HDAC8: variants seen among roughly 807,000 people sequenced by gnomAD.
HDAC8 encodes the protein histone deacetylase-like 1.
HDAC8 carries 1 observed loss-of-function variant against 32.2 expected under a neutral mutation model. The ratio of observed to expected loss-of-function variants is 0.03; its 90% confidence interval spans 0.01 to 0.15. The LOEUF is 0.15. HDAC8 is among the 10% of genes least tolerant of loss of function. The probability of loss-of-function intolerance (pLI) is 1.00; values close to 1 mark genes in which losing one functional copy is unlikely to be tolerated. For synonymous variants in HDAC8, 108 were observed against 113.9 expected (o/e 0.95, Z 0.33); for missense variants, 117 against 300.0 (o/e 0.39, Z 4.51).
At chrX:72,418,932 A>T (rs1244108474) in intron 9 of HDAC8, among the ~76,000 whole-genome samples, 1 of 111,632 alleles carries the variant, frequency 9.0e-6, no homozygotes, top group Non-Finnish European at 1.9e-5. Context: ...CTTGTCAAAA[A>T]ACAATTGGTT....
chrX:72,568,766 C>T lies in HDAC8; in HGVS notation c.283G>A (p.Glu95Lys). The part of the protein sequence containing the change: ...EGDDDHPDSI[E>K]YGLGYDCPAT... ...GTAATGACTTTACCTAGCCCATATT[C>T]TATGGAGTCCGGATGATCATCATCG... The change falls in exon 3 of 11, where the codon GAA (glutamate) becomes AAA (lysine). Residue 95 changes from glutamate (E) to lysine (K), a missense_variant. Physicochemically the swap from Glu to Lys is moderately conservative, Grantham distance 56. Transcript: ENST00000373573. 1 of 1,211,863 alleles carries T rather than the reference C, an allele frequency of 8.3e-7. No individual in the cohort carries two copies. Among genetic ancestry groups the T allele is most frequent in the Non-Finnish European group, 1.1e-6 (1 of 895,333 alleles).
At position 72,543,603 on chromosome X, in the gene HDAC8, T is replaced by C. The variant is rs139211400; in HGVS notation, c.437+24286A>G. Among the ~76,000 whole-genome samples, 36 of 111,864 alleles carry C rather than the reference T, an allele frequency of 3.2e-4. No homozygotes were observed. In the East Asian group the frequency reaches 0.01, roughly 32 times the overall value. The stretch of plus-strand genomic sequence containing the variant: ...TACCTTGGTCTTTCTACTTCAACTG[T>C]AGAAATCATAAAGGCATACTACAGG... On this transcript the variant is annotated intron_variant, in intron 4 of 10. Coordinates refer to ENST00000373573, the MANE Select transcript of HDAC8 (RefSeq NM_018486.3).
chrX:72,396,441 G>A (rs2045764222), intron 9 of HDAC8, among the ~76,000 whole-genome samples: 1 of 112,321 alleles, frequency 8.9e-6, no homozygotes, highest in South Asian at 3.7e-4. Flanking sequence ...GTGAAGGGTT[G>A]TATCCTCTTA....
intron 9 of HDAC8, among the ~76,000 whole-genome samples, chrX:72,369,719 G>A (rs1284804657): frequency 8.9e-6 from 1 of 112,621 alleles, no homozygotes; most frequent in East Asian, 2.8e-4. Flanking sequence ...AAGCTCTAAA[G>A]GCTGTGCCTA....
intron 9 of HDAC8, among the ~76,000 whole-genome samples, chrX:72,360,093 A>G (rs916238996): frequency 2.9e-4 from 31 of 107,666 alleles, no homozygotes; most frequent in African/African-American, 1.1e-3. Flanking sequence ...GTGGTGGCTC[A>G]CGCCTGTAAT....
intron 7 of HDAC8, among the ~76,000 whole-genome samples, chrX:72,469,712 T>C (rs1241593897): frequency 3.6e-5 from 4 of 111,880 alleles, no homozygotes; most frequent in African/African-American, 1.3e-4. Context: ...CAAACATTAA[T>C]TGAGTGATTA....
intron 9 of HDAC8, among the ~76,000 whole-genome samples, chrX:72,394,250 C>A (rs1482377665): frequency 9.0e-6 from 1 of 111,478 alleles, no homozygotes; most frequent in African/African-American, 3.3e-5. Flanking sequence ...CTTGACCATT[C>A]TATGATGTCT....
At chrX:72,407,030 CA>C (rs2046059000) in intron 9 of HDAC8, among the ~76,000 whole-genome samples, 1 of 112,680 alleles carries the variant, frequency 8.9e-6, no homozygotes, top group South Asian at 3.6e-4. Context: ...CAAAATTCTA[CA>C]AGGACCATGT....
rs187991363 is a variant in HDAC8 at position 72,447,635 on chromosome X, A to T, written c.1005+14369T>A. Among the ~76,000 whole-genome samples the T allele has an allele frequency of 7.7e-4, 86 of 112,063 alleles. 1 individual carries two copies. Among genetic ancestry groups the T allele is most frequent in the Non-Finnish European group, 1.5e-3 (79 of 53,238 alleles). ...ATAAAGGGTATTCAAATAGGAAGAG[A>T]GGAAGTCAAATTGTCTCTGTTTTCA... is the stretch of plus-strand genomic sequence containing the variant. On this transcript the variant is annotated intron_variant, in intron 9 of 10. Coordinates refer to ENST00000373573, the MANE Select transcript of HDAC8 (RefSeq NM_018486.3).
At chrX:72,379,698 C>T (rs973068689) in intron 9 of HDAC8, among the ~76,000 whole-genome samples, 3 of 109,737 alleles carry the variant, frequency 2.7e-5, no homozygotes, top group Admixed American at 2.0e-4. Flanking sequence ...GATGGGGTTT[C>T]GCCACGTTGG....
intron 9 of HDAC8, among the ~76,000 whole-genome samples, chrX:72,370,887 T>C (rs782390642): frequency 5.4e-5 from 6 of 111,809 alleles, no homozygotes; most frequent in Non-Finnish European, 1.1e-4. Context: ...CTGATTAGAT[T>C]GTGTCCACCC....
At chrX:72,570,774 A>C (rs1462263854) in intron 2 of HDAC8, among the ~76,000 whole-genome samples, 8 of 112,144 alleles carry the variant, frequency 7.1e-5, no homozygotes, top group African/African-American at 2.6e-4. Context: ...AGAAATTGTC[A>C]TAAGTAATCC....
At chrX:72,388,680 G>A (rs568924789) in intron 9 of HDAC8, among the ~76,000 whole-genome samples, 17 of 108,812 alleles carry the variant, frequency 1.6e-4, no homozygotes, top group Admixed American at 5.9e-4. Context: ...CAATTCACAC[G>A]TTGAAGCCCT....
At chrX:72,433,174 C>T (rs1555978018) in intron 9 of HDAC8, among the ~76,000 whole-genome samples, 1 of 111,516 alleles carries the variant, frequency 9.0e-6, no homozygotes, top group East Asian at 2.8e-4. Context: ...TTTTGCCCTG[C>T]TCCCCAGAAT....
intron 4 of HDAC8, among the ~76,000 whole-genome samples, chrX:72,525,273 G>A (rs1184749073): frequency 9.0e-6 from 1 of 111,577 alleles, no homozygotes; most frequent in Non-Finnish European, 1.9e-5. Flanking sequence ...CGAGAACAGA[G>A]CAGACCGTCA....
chrX:72,460,475 G>A (rs1031315506), intron 9 of HDAC8, among the ~76,000 whole-genome samples: 3 of 111,108 alleles, frequency 2.7e-5, no homozygotes, highest in Non-Finnish European at 5.7e-5. Flanking sequence ...TAGATTCCAG[G>A]GAACTACGTG....
chrX:72,400,804 C>A (rs1238938513), intron 9 of HDAC8, among the ~76,000 whole-genome samples: 1 of 111,958 alleles, frequency 8.9e-6, no homozygotes. Context: ...CCTCTCACCC[C>A]CCTGAATGTT....
intron 4 of HDAC8, among the ~76,000 whole-genome samples, chrX:72,496,557 A>T (rs2049025595): frequency 9.0e-6 from 1 of 111,538 alleles, no homozygotes; most frequent in South Asian, 3.8e-4. Context: ...CTATTTTCCA[A>T]TTATGAAAAG....
At chrX:72,566,085 T>G (rs1234519056) in intron 4 of HDAC8, among the ~76,000 whole-genome samples, 1 of 110,427 alleles carries the variant, frequency 9.1e-6, no homozygotes, top group African/African-American at 3.3e-5. Context: ...AGTTCGAGAC[T>G]GCAGTGAGCT....
Sources: gnomAD v4.1 joint callset for allele counts (sites outside exome capture counted in the v4.1 genomes callset) on GRCh38, gnomAD v4.1.1 for gene constraint, MANE v1.5 for transcripts, NCBI Gene and HGNC (gene_info 2026-07-23, HGNC 2026-07-21) for gene names.